Variants in CYTH3 observed in about 807,000 individuals in gnomAD.
CYTH3 encodes cytohesin-3.
Under a neutral mutation model 55.1 loss-of-function variants are expected in CYTH3, and 23 were observed. That is an observed-to-expected ratio of 0.42 (90% CI 0.30 to 0.59). The LOEUF is 0.59. Ranked by LOEUF, CYTH3 falls within the 20% of genes least tolerant of loss-of-function variation. The pLI, the probability that CYTH3 is intolerant of heterozygous loss-of-function variation, is 0.20. For synonymous variants in CYTH3, 249 were observed against 194.9 expected (o/e 1.28, Z -2.31); for missense variants, 413 against 524.8 (o/e 0.79, Z 2.08).
chr7:6,186,596 C>T (rs1783657444), intron 4 of CYTH3, among the ~76,000 whole-genome samples: 1 of 152,178 alleles, frequency 6.6e-6, no homozygotes, highest in African/African-American at 2.4e-5. Flanking sequence ...GGAATAAAGT[C>T]CTCTTATGTG....
Position 6,161,970 on chromosome 7 carries a change from A to G in CYTH3, c.*2974T>C, listed in dbSNP as rs1483751714. ...AAATCAACAGATGTACATTATTTACATATTACTATATTTACCGCAAATAGA... is the reference window on the plus strand; with the variant it reads ...AAATCAACAGATGTACATTATTTACGTATTACTATATTTACCGCAAATAGA... On this transcript the variant is annotated 3_prime_UTR_variant, in exon 13 of 13. Coordinates refer to ENST00000350796, the MANE Select transcript of CYTH3 (RefSeq NM_004227.4). 2 of 152,636 alleles carry G rather than the reference A, an allele frequency of 1.3e-5. No individual in the cohort carries two copies. Among genetic ancestry groups the G allele is most frequent in the South Asian group, 2.1e-4 (1 of 4,836 alleles). 9.5% of individuals were successfully genotyped at this position (152,636 alleles called of 1,614,324 possible). A position where few individuals can be genotyped will look rare whatever the true frequency, so the allele number is the denominator to read the frequency against.
At chr7:6,191,852 G>A (rs1380684080) in intron 1 of CYTH3, among the ~76,000 whole-genome samples, 1 of 152,128 alleles carries the variant, frequency 6.6e-6, no homozygotes, top group African/African-American at 2.4e-5. Flanking sequence ...CAAGGTGGGA[G>A]GATCACTTGA....
intron 1 of CYTH3, among the ~76,000 whole-genome samples, chr7:6,241,475 A>C (rs1779671625): frequency 6.6e-6 from 1 of 152,222 alleles, no homozygotes; most frequent in Admixed American, 6.5e-5. Flanking sequence ...GATGGGTGTA[A>C]AAAACAGTGA....
intron 1 of CYTH3, among the ~76,000 whole-genome samples, chr7:6,225,741 G>A (rs190588251): frequency 6.6e-6 from 1 of 150,942 alleles, no homozygotes; most frequent in Admixed American, 6.6e-5. Context: ...GTGCAAAGGT[G>A]CAATCTCAGC....
rs542540028 is a variant in CYTH3, at chr7:6,227,028, T to A, written c.35-36497A>T. ...CCGGGAGGCGGAGCTTGCAGTGAGC[T>A]GAGATCGCGCCACTGCACTCCAGCC... On this transcript the variant is annotated intron_variant, in intron 1 of 12. Transcript: ENST00000350796. Among the ~76,000 whole-genome samples, 6 of 147,220 alleles carry A rather than the reference T, an allele frequency of 4.1e-5. No homozygotes were observed. In the Admixed American group the frequency reaches 4.1e-4, roughly 10 times the overall value.
chr7:6,248,197 A>T (rs1779870016), intron 1 of CYTH3, among the ~76,000 whole-genome samples: 1 of 145,470 alleles, frequency 6.9e-6, no homozygotes. Flanking sequence ...TTTATTCTTT[A>T]TTTCTGAACA....
In CYTH3 at chr7:6,184,704, G is replaced by A. The variant is rs945952523; in HGVS notation, c.249+2346C>T. 4.5e-4 allele frequency among the ~76,000 whole-genome samples: 68 copies of A among 152,004 alleles called. 1 individual carries two copies. Among genetic ancestry groups the A allele is most frequent in the African/African-American group, 1.3e-3 (52 of 41,380 alleles). On this transcript the variant is annotated intron_variant, in intron 4 of 12. Transcript: ENST00000350796. ...AGCGATTCTCGCGCCTCAGCCTCCC[G>A]AGTAGCTGGGACTACAGGCACCCAC...
chr7:6,197,282 A>G (rs1301200104), intron 1 of CYTH3, among the ~76,000 whole-genome samples: 1 of 151,412 alleles, frequency 6.6e-6, no homozygotes, highest in Non-Finnish European at 1.5e-5. Flanking sequence ...ACAGTGGGAC[A>G]AAGACATGGT....
chr7:6,190,420 G>A, intron 2 of CYTH3, 29 bp downstream of exon 2: 2 of 1,397,138 alleles, frequency 1.4e-6, no homozygotes, highest in South Asian at 1.5e-5. Flanking sequence ...CAGAGTTTTG[G>A]ATTTTTGGTT....
chr7:6,222,940 T>C (rs946677368), intron 1 of CYTH3, among the ~76,000 whole-genome samples: 6 of 152,198 alleles, frequency 3.9e-5, no homozygotes, highest in Admixed American at 3.9e-4. Flanking sequence ...CTCATAATAG[T>C]CAATCAATCA....
At chr7:6,201,517 A>C (rs1412802960) in intron 1 of CYTH3, among the ~76,000 whole-genome samples, 1 of 152,214 alleles carries the variant, frequency 6.6e-6, no homozygotes, top group African/African-American at 2.4e-5. Flanking sequence ...CCACTGGTGC[A>C]CCATTATCAC....
intron 1 of CYTH3, among the ~76,000 whole-genome samples, chr7:6,193,126 C>G (rs1206785235): frequency 6.6e-6 from 1 of 151,948 alleles, no homozygotes; most frequent in African/African-American, 2.4e-5. Flanking sequence ...GAGCCGAGAT[C>G]CCACCACTGC....
chr7:6,264,562 C>A (rs1476337265), intron 1 of CYTH3, among the ~76,000 whole-genome samples: 1 of 151,140 alleles, frequency 6.6e-6, no homozygotes, highest in Non-Finnish European at 1.5e-5. Context: ...CAGTGAGCTG[C>A]GATCACACCA....
intron 1 of CYTH3, among the ~76,000 whole-genome samples, chr7:6,233,706 C>T (rs147759761): frequency 3.5e-4 from 53 of 152,116 alleles, no homozygotes; most frequent in Middle Eastern, 6.8e-3. Flanking sequence ...ATCTCAGTCC[C>T]AGCGTCTACC....
intron 1 of CYTH3, among the ~76,000 whole-genome samples, chr7:6,229,500 C>T (rs151019124): frequency 1.3e-5 from 2 of 151,976 alleles, no homozygotes; most frequent in East Asian, 1.9e-4. Context: ...TCCCAGCGGT[C>T]GAGTAGGGCT....
intron 1 of CYTH3, among the ~76,000 whole-genome samples, chr7:6,229,017 G>C (rs1251011674): frequency 6.6e-6 from 1 of 152,162 alleles, no homozygotes; most frequent in Non-Finnish European, 1.5e-5. Flanking sequence ...CCACTGTGTA[G>C]ACATATGAAG....
At chr7:6,211,443 G>A (rs911019126) in intron 1 of CYTH3, among the ~76,000 whole-genome samples, 2 of 152,210 alleles carry the variant, frequency 1.3e-5, no homozygotes, top group Admixed American at 6.5e-5. Context: ...CCGGACACCT[G>A]TGCTTTGCTT....
At chr7:6,217,386 G>T (rs1015475486) in intron 1 of CYTH3, among the ~76,000 whole-genome samples, 1 of 152,000 alleles carries the variant, frequency 6.6e-6, no homozygotes, top group African/African-American at 2.4e-5. Context: ...GGATGAAAAA[G>T]ATATCATGCA....
At chr7:6,253,220 T>A (rs1780016780) in intron 1 of CYTH3, among the ~76,000 whole-genome samples, 3 of 151,250 alleles carry the variant, frequency 2.0e-5, no homozygotes, top group Admixed American at 2.0e-4. Flanking sequence ...AAAACAATTT[T>A]TTTTTTTTTT....
Sources: allele counts gnomAD v4.1 joint callset (sites outside exome capture counted in the v4.1 genomes callset), GRCh38; gene constraint gnomAD v4.1.1; transcripts MANE v1.5; gene names NCBI Gene and HGNC (gene_info 2026-07-23, HGNC 2026-07-21).